Variants in CDH23 observed in about 807,000 individuals in gnomAD.
The protein encoded by CDH23 is cadherin-23.
Under a neutral mutation model 317.1 loss-of-function variants are expected in CDH23, and 189 were observed. That is an observed-to-expected ratio of 0.60 (90% CI 0.53 to 0.67). The LOEUF is 0.67. Among genes scored for constraint, CDH23 ranks in the 30% least tolerant of loss-of-function variants. CDH23 has a pLI of 0.00. For missense variants in CDH23, 4,401 were observed against 4,592.4 expected (o/e 0.96, Z 1.20); for synonymous variants, 1,839 against 1,876.8 (o/e 0.98, Z 0.52).
At chr10:71,558,381 T>C (rs1589205559) in intron 6 of CDH23, among the ~76,000 whole-genome samples, 1 of 152,328 alleles carries the variant, frequency 6.6e-6, no homozygotes, top group African/African-American at 2.4e-5. Flanking sequence ...TACTTTTCTC[T>C]CCCATTTCAT....
chr10:71,751,830 C>T lies in CDH23; in HGVS notation c.4845+9909C>T. On this transcript the variant is annotated intron_variant, in intron 38 of 69. Coordinates refer to ENST00000224721, the MANE Select transcript of CDH23 (RefSeq NM_022124.6). The surrounding 1 kb of genome is among the most constrained non-coding windows in gnomAD (Gnocchi z 4.9). Reference sequence around the variant, plus strand: ...ATCCCCTGGGCAGGTGGTGAGGCTTCAAAGCCGGGGTTTTCAATCCCTTGA... The same window carrying T: ...ATCCCCTGGGCAGGTGGTGAGGCTTTAAAGCCGGGGTTTTCAATCCCTTGA... The T allele has an allele frequency of 1.3e-6, 2 of 1,568,752 alleles. No individual in the cohort carries two copies. The highest frequency in any genetic ancestry group is 1.7e-6 in the Non-Finnish European group (2 of 1,157,684).
chr10:71,615,401 G>A, intron 9 of CDH23, 103 bp from the exon 10 acceptor site: 1 of 753,488 alleles, frequency 1.3e-6, no homozygotes, highest in Non-Finnish European at 2.4e-6. Context: ...AGTCTTTAAT[G>A]CCCAGAGAGG....
intron 5 of CDH23, 23 bp downstream of exon 5, chr10:71,511,024 G>C (rs1224364761): frequency 1.9e-6 from 3 of 1,613,790 alleles, no homozygotes; most frequent in Non-Finnish European, 1.7e-6. Context: ...TGGGGCCCTG[G>C]AGGCATGTTC....
Position 71,780,348 on chromosome 10 carries a change from T to A in CDH23, c.5368+901T>A, listed in dbSNP as rs1840919307. ...TAGTATACTGGGAGGTGCTAAGGGC[T>A]ATGGAGAAAAATAAAACCAAGCCGG... On this transcript the variant is annotated intron_variant, in intron 41 of 69. Transcript: ENST00000224721. Among the ~76,000 whole-genome samples, 9 of 152,172 alleles carry A rather than the reference T, an allele frequency of 5.9e-5. No individual in the cohort carries two copies. In the South Asian group the frequency reaches 1.9e-3, roughly 32 times the overall value.
chr10:71,500,679 G>C (rs909774238), intron 3 of CDH23, among the ~76,000 whole-genome samples: 10 of 152,204 alleles, frequency 6.6e-5, no homozygotes, highest in Non-Finnish European at 1.5e-4. Context: ...TAAAAACCAT[G>C]AGGGTTGTGG....
rs115430914 is a variant in CDH23, at chr10:71,679,661, C to T, written c.1858+169C>T. 2.5e-3 allele frequency among the ~76,000 whole-genome samples: 383 copies of T among 152,306 alleles called. 1 individual carries two copies. The highest frequency in any genetic ancestry group is 8.8e-3 in the African/African-American group (365 of 41,568). On this transcript the variant is annotated intron_variant, in intron 17 of 69. Transcript: ENST00000224721. Reference sequence around the variant, plus strand: ...GGGTGGAGCAGGATGTGGCCTGAGTCGCCCTTCCGTAGGGTCAACATCTGT... The same window carrying T: ...GGGTGGAGCAGGATGTGGCCTGAGTTGCCCTTCCGTAGGGTCAACATCTGT...
chr10:71,582,957 G>A (rs1858746081), intron 9 of CDH23, among the ~76,000 whole-genome samples: 2 of 152,172 alleles, frequency 1.3e-5, no homozygotes, highest in South Asian at 4.1e-4. Context: ...GCTCCCTGGG[G>A]GCCTGTTAGA....
At position 71,706,991 on chromosome 10, in the gene CDH23, G is replaced by T. The variant is rs1865815379; in HGVS notation, c.3048G>T (p.Trp1016Cys). ...EDVPREFRVV[W>C]LNCTDNDVGL... The stretch of plus-strand genomic sequence containing the variant: ...TGCCACGCGAGTTCCGGGTGGTCTG[G>T]CTGAACTGCACGGACAACGACGTGG... The change falls in exon 26 of 70, where the codon TGG (tryptophan) becomes TGT (cysteine). Residue 1016 changes from tryptophan (W) to cysteine (C), a missense_variant. Trp to Cys is a radical substitution (Grantham distance 215). Around this residue, in one of 3 missense-constraint regions of CDH23, gnomAD observed 3,068 missense variants for 3,203.3 expected, o/e 0.96. Transcript: ENST00000224721. 1 of 1,608,154 alleles carries T rather than the reference G, an allele frequency of 6.2e-7. No homozygotes were observed.
At chr10:71,551,428 A>G (rs993037418) in intron 6 of CDH23, among the ~76,000 whole-genome samples, 2 of 152,160 alleles carry the variant, frequency 1.3e-5, no homozygotes, top group Non-Finnish European at 2.9e-5. Context: ...TTCTAGGTGG[A>G]AATCGAGTCT....
intron 45 of CDH23, 125 bp from the exon 46 acceptor site, chr10:71,790,163 C>A (rs114481945): frequency 6.6e-6 from 9 of 1,354,784 alleles, no homozygotes; most frequent in African/African-American, 2.9e-5. Context: ...GCCTCCCCAC[C>A]CTGTCCACCT....
At chr10:71,406,868 G>T (rs188129765) in intron 1 of CDH23, among the ~76,000 whole-genome samples, 96 of 152,288 alleles carry the variant, frequency 6.3e-4, no homozygotes, top group African/African-American at 2.2e-3. Context: ...GCTGCATGTG[G>T]CCCATAGATG....
rs145681988 is a variant in CDH23 at position 71,660,099 on chromosome 10, T to C, written c.1449+13482T>C. 8.3e-4 allele frequency among the ~76,000 whole-genome samples: 126 copies of C among 152,148 alleles called. 1 individual carries two copies. The East Asian group carries it at 0.018, about 22-fold the overall frequency. ...CCTCAACCTCCTGAGTAGCCGGGAT[T>C]ACAGGCGCGTGCCACCACACCCAGC... On this transcript the variant is annotated intron_variant, in intron 14 of 69. Coordinates refer to ENST00000224721, the MANE Select transcript of CDH23 (RefSeq NM_022124.6).
intron 9 of CDH23, among the ~76,000 whole-genome samples, chr10:71,593,060 G>A (rs182681011): frequency 1.8e-4 from 27 of 152,340 alleles, no homozygotes; most frequent in East Asian, 9.6e-4. Context: ...CTAGGCAGCC[G>A]GTACAGGAGA....
At chr10:71,693,101 T>C (rs75118344) in intron 20 of CDH23, among the ~76,000 whole-genome samples, 1,663 of 152,344 alleles carry the variant, frequency 0.011, 33 homozygotes, top group African/African-American at 0.038. Flanking sequence ...CCATGGCTGA[T>C]GCAAGATAGT....
intron 3 of CDH23, among the ~76,000 whole-genome samples, chr10:71,491,808 G>A (rs1589132596): frequency 6.6e-6 from 1 of 152,142 alleles, no homozygotes; most frequent in Admixed American, 6.5e-5. Flanking sequence ...AGCAGCCCTC[G>A]CCTGCCTCTT....
At chr10:71,432,513 TGTGAGTGTGTGG>T (rs1168421767) in intron 1 of CDH23, among the ~76,000 whole-genome samples, 2 of 150,638 alleles carry the variant, frequency 1.3e-5, no homozygotes, top group African/African-American at 2.4e-5. Context: ...TGTGGGTGAG[TGTGAGTGTGTGG>T]GTGAGTGTGT....
At chr10:71,732,957 T>C (rs966671422) in intron 32 of CDH23, among the ~76,000 whole-genome samples, 2 of 152,134 alleles carry the variant, frequency 1.3e-5, no homozygotes, top group Non-Finnish European at 2.9e-5. Context: ...CACGCAATTC[T>C]CCAGTAGACA....
intron 3 of CDH23, among the ~76,000 whole-genome samples, chr10:71,479,410 C>T (rs57657998): frequency 0.42 from 63,792 of 151,856 alleles, 13,696 homozygotes; most frequent in East Asian, 0.53. Flanking sequence ...AACTGAATCC[C>T]GCAGGAAAGC....
chr10:71,714,726 G>GT (rs1373373626), intron 28 of CDH23: 1 of 152,298 alleles, frequency 6.6e-6, no homozygotes, highest in Non-Finnish European at 1.5e-5. Context: ...GAGCTGGGGA[G>GT]TGGCAAGCCA....
Sources: gnomAD v4.1 joint callset for allele counts (sites outside exome capture counted in the v4.1 genomes callset) on GRCh38, gnomAD v4.1.1 for gene constraint, gnomAD v4.1.1 regional missense constraint, Gnocchi (gnomAD v3.1) non-coding constraint, MANE v1.5 for transcripts, NCBI Gene and HGNC (gene_info 2026-07-23, HGNC 2026-07-21) for gene names.